The following LAMA2 variants were observed in gnomAD, a reference collection of about 807,000 sequenced individuals.
LAMA2 encodes the protein laminin subunit alpha 2.
Under a neutral mutation model 364.8 loss-of-function variants are expected in LAMA2, and 269 were observed. That is an observed-to-expected ratio of 0.74 (90% CI 0.67 to 0.82). The LOEUF (loss-of-function observed/expected upper bound fraction) is 0.82. LAMA2 is among the 40% of genes least tolerant of loss of function. The pLI is 0.00. For missense variants in LAMA2, 3,807 were observed against 3,873.2 expected (o/e 0.98, Z 0.45); for synonymous variants, 1,379 against 1,370.6 (o/e 1.01, Z -0.14).
chr6:128,944,873 T>G lies in LAMA2; in HGVS notation c.112+61516T>G, dbSNP rs138768368. 5.2e-3 allele frequency among the ~76,000 whole-genome samples: 798 copies of G among 152,220 alleles called. 8 individuals are homozygous for G. Among genetic ancestry groups the G allele is most frequent in the African/African-American group, 0.018 (758 of 41,552 alleles). On this transcript the variant is annotated intron_variant, in intron 1 of 64. Coordinates refer to ENST00000421865, the MANE Select transcript of LAMA2 (RefSeq NM_000426.4). Reference sequence around the variant, plus strand: ...TGAGAACTCACTGTCATGAGGACAGTTCCAAGGGGGATGGTGCTAAACCAC... The same window carrying G: ...TGAGAACTCACTGTCATGAGGACAGGTCCAAGGGGGATGGTGCTAAACCAC...
intron 3 of LAMA2, among the ~76,000 whole-genome samples, chr6:129,079,797 G>T (rs1196733313): frequency 1.3e-5 from 2 of 151,980 alleles, no homozygotes; most frequent in East Asian, 3.8e-4. Flanking sequence ...ATTTTGCTTA[G>T]CTTGTAAGTA....
intron 32 of LAMA2, among the ~76,000 whole-genome samples, chr6:129,359,235 A>G (rs564487045): frequency 4.7e-5 from 7 of 148,392 alleles, no homozygotes; most frequent in African/African-American, 1.7e-4. Flanking sequence ...TGTATTATAT[A>G]TAGAATTTTA....
intron 1 of LAMA2, among the ~76,000 whole-genome samples, chr6:128,909,969 C>T (rs1266202843): frequency 6.6e-6 from 1 of 152,096 alleles, no homozygotes; most frequent in Non-Finnish European, 1.5e-5. Context: ...TTGGCCCCCA[C>T]TCTCTTCTGG....
At chr6:129,319,338 C>T (rs1001788806) in intron 27 of LAMA2, among the ~76,000 whole-genome samples, 12 of 151,950 alleles carry the variant, frequency 7.9e-5, no homozygotes, top group African/African-American at 2.4e-4. Context: ...ATTAATTGGC[C>T]GTGTCTACCT....
chr6:129,502,778 A>G lies in LAMA2; in HGVS notation c.8357+7A>G. The G allele has an allele frequency of 6.4e-7, 1 of 1,566,856 alleles. No individual in the cohort carries two copies. Among genetic ancestry groups the G allele is most frequent in the Non-Finnish European group, 8.8e-7 (1 of 1,137,120 alleles). ...ACACCAAAGTTAAAAACCGGTATGT[A>G]TCATCCTGAGACACTGGGAAAGAAC... is the stretch of plus-strand genomic sequence containing the variant. On this transcript the variant is annotated splice_region_variant and intron_variant, in intron 59 of 64. Coordinates refer to ENST00000421865, the MANE Select transcript of LAMA2 (RefSeq NM_000426.4).
intron 1 of LAMA2, among the ~76,000 whole-genome samples, chr6:129,020,200 G>A (rs1349410897): frequency 6.6e-6 from 1 of 151,822 alleles, no homozygotes; most frequent in Non-Finnish European, 1.5e-5. Context: ...ATGTAAGAAT[G>A]TGCAGATTTT....
At chr6:129,132,051 C>G (rs1316508918) in intron 4 of LAMA2, among the ~76,000 whole-genome samples, 1 of 152,178 alleles carries the variant, frequency 6.6e-6, no homozygotes, top group East Asian at 1.9e-4. Flanking sequence ...GTCGTCTACT[C>G]TGATCTCAAC....
chr6:129,013,870 T>G (rs1334318932), intron 1 of LAMA2, among the ~76,000 whole-genome samples: 1 of 151,958 alleles, frequency 6.6e-6, no homozygotes, highest in Non-Finnish European at 1.5e-5. Flanking sequence ...TGGATCCCCA[T>G]TATAATGGCA....
At chr6:128,971,615 G>T (rs1287927245) in intron 1 of LAMA2, among the ~76,000 whole-genome samples, 1 of 152,146 alleles carries the variant, frequency 6.6e-6, no homozygotes, top group African/African-American at 2.4e-5. Flanking sequence ...GCAGATTTTA[G>T]TGTAAGCAAT....
At chr6:128,934,224 C>T (rs544191532) in intron 1 of LAMA2, among the ~76,000 whole-genome samples, 73 of 152,168 alleles carry the variant, frequency 4.8e-4, no homozygotes, top group Non-Finnish European at 7.8e-4. Context: ...TTTTAATGGC[C>T]TAGTCAAAGA....
chr6:129,440,729 C>A (rs1344031705), intron 42 of LAMA2, 87 bp from the exon 43 acceptor site: 2 of 1,195,276 alleles, frequency 1.7e-6, no homozygotes, highest in African/African-American at 1.5e-5. Flanking sequence ...CGAGGTCAGC[C>A]AGCCACAGCC....
chr6:129,214,061 T>C (rs1783270565), intron 12 of LAMA2, among the ~76,000 whole-genome samples: 1 of 152,166 alleles, frequency 6.6e-6, no homozygotes, highest in South Asian at 2.1e-4. Flanking sequence ...CATTTATGTA[T>C]TTTTTCACAA....
intron 55 of LAMA2, among the ~76,000 whole-genome samples, chr6:129,483,741 G>T (rs1161139409): frequency 6.6e-6 from 1 of 152,116 alleles, no homozygotes; most frequent in East Asian, 1.9e-4. Context: ...TTGTATTGTG[G>T]AGCTATCATG....
chr6:129,334,242 T>G (rs1775819495), intron 29 of LAMA2, among the ~76,000 whole-genome samples: 1 of 152,228 alleles, frequency 6.6e-6, no homozygotes, highest in South Asian at 2.1e-4. Flanking sequence ...GTGGCAAGCA[T>G]GAACTCTGCA....
intron 10 of LAMA2, among the ~76,000 whole-genome samples, chr6:129,178,209 T>C (rs1415897795): frequency 6.6e-6 from 1 of 152,230 alleles, no homozygotes; most frequent in Non-Finnish European, 1.5e-5. Context: ...TACCTTTGCA[T>C]CTAATTCAGT....
chr6:129,154,998 A>G (rs184958563), intron 8 of LAMA2, among the ~76,000 whole-genome samples: 363 of 152,338 alleles, frequency 2.4e-3, no homozygotes, highest in African/African-American at 8.5e-3. Flanking sequence ...GAAATCATAC[A>G]GTACATACTA....
intron 1 of LAMA2, among the ~76,000 whole-genome samples, chr6:129,005,712 G>A (rs1299090438): frequency 6.7e-6 from 1 of 149,106 alleles, no homozygotes; most frequent in Non-Finnish European, 1.5e-5. Context: ...GGGGAAAAAT[G>A]TGTGTGTGTG....
chr6:129,508,377 A>C (rs1786278925), intron 62 of LAMA2, among the ~76,000 whole-genome samples: 1 of 152,006 alleles, frequency 6.6e-6, no homozygotes, highest in Non-Finnish European at 1.5e-5. Flanking sequence ...TGTTTCAAAC[A>C]ATCTGATTAT....
chr6:129,253,079 A>G (rs1011605288), intron 14 of LAMA2, among the ~76,000 whole-genome samples: 21 of 151,558 alleles, frequency 1.4e-4, no homozygotes, highest in African/African-American at 4.9e-4. Context: ...TGAACCAAAT[A>G]TGCTCGGGTC....
Sources: allele counts gnomAD v4.1 joint callset (sites outside exome capture counted in the v4.1 genomes callset), GRCh38; gene constraint gnomAD v4.1.1; transcripts MANE v1.5; gene names NCBI Gene and HGNC (gene_info 2026-07-23, HGNC 2026-07-21).